Variants in SORCS2 observed in about 807,000 individuals in gnomAD.
SORCS2 encodes the protein VPS10 domain-containing receptor SorCS2.
In SORCS2, 100 loss-of-function variants were observed where a neutral mutation model predicts 141.6. The ratio of observed to expected loss-of-function variants is 0.71; its 90% CI spans 0.60 to 0.83. SORCS2 has a LOEUF of 0.83. Ranked by LOEUF, SORCS2 falls within the 40% of genes least tolerant of loss-of-function variation. The pLI is 0.00. For missense variants in SORCS2, 1,646 were observed against 1,560.2 expected (o/e 1.05, Z -0.93); for synonymous variants, 789 against 676.9 (o/e 1.17, Z -2.57).
Position 7,729,581 on chromosome 4 carries a change from C to A in SORCS2, c.2983-6C>A. 2 of 1,577,404 alleles carry A rather than the reference C, an allele frequency of 1.3e-6. No homozygotes were observed. Among genetic ancestry groups the A allele is most frequent in the East Asian group, 4.7e-5 (2 of 42,596 alleles). On this transcript the variant is annotated splice_polypyrimidine_tract_variant and splice_region_variant and intron_variant, in intron 22 of 26. Transcript: ENST00000507866. ...GCGGACCAAAGTGGCTTAACTCTCCCCGCAGGAGACCAGCGTCCCTCAGGA... is the reference window on the plus strand; with the variant it reads ...GCGGACCAAAGTGGCTTAACTCTCCACGCAGGAGACCAGCGTCCCTCAGGA...
intron 2 of SORCS2, among the ~76,000 whole-genome samples, chr4:7,407,039 G>T (rs1725011210): frequency 6.6e-6 from 1 of 152,098 alleles, no homozygotes; most frequent in African/African-American, 2.4e-5. Context: ...TTTGCGGTCA[G>T]AAAAGATACT....
In SORCS2 at chr4:7,435,659, G is replaced by A. The variant is rs562446949; in HGVS notation, c.548+39304G>A. ...GGCGTAGATTAAATGTTTGTTGAAG[G>A]TACACACACACAAAAGAGGTTTGTT... On this transcript the variant is annotated intron_variant, in intron 2 of 26. Transcript: ENST00000507866. Among the ~76,000 whole-genome samples, 7 of 152,340 alleles carry A rather than the reference G, an allele frequency of 4.6e-5. No homozygotes were observed. The South Asian group carries it at 6.2e-4, about 14-fold the overall frequency.
At chr4:7,672,465 T>G (rs1722857629) in intron 8 of SORCS2, among the ~76,000 whole-genome samples, 1 of 152,130 alleles carries the variant, frequency 6.6e-6, no homozygotes. Context: ...TGAAGAAATT[T>G]CCTCTGTCAT....
intron 2 of SORCS2, among the ~76,000 whole-genome samples, chr4:7,476,771 C>T (rs1156281529): frequency 6.6e-6 from 1 of 152,164 alleles, no homozygotes; most frequent in Non-Finnish European, 1.5e-5. Context: ...CTGCTCCACG[C>T]TCTCCCTCTG....
In SORCS2 at chr4:7,653,364, C is replaced by T. The variant is rs564819754; in HGVS notation, c.814-770C>T. Among the ~76,000 whole-genome samples the T allele has an allele frequency of 2.0e-5, 3 of 152,330 alleles. No individual in the cohort carries two copies. The South Asian group carries it at 6.2e-4, about 32-fold the overall frequency. Reference sequence around the variant, plus strand: ...GTTCAAGTGATTCTCCTGACTCAGCCTCCCGAGTAGCTGGGATTACAGGCA... The same window carrying T: ...GTTCAAGTGATTCTCCTGACTCAGCTTCCCGAGTAGCTGGGATTACAGGCA... On this transcript the variant is annotated intron_variant, in intron 4 of 26. Coordinates refer to ENST00000507866, the MANE Select transcript of SORCS2 (RefSeq NM_020777.3).
chr4:7,630,874 G>A (rs1436059095), intron 3 of SORCS2, among the ~76,000 whole-genome samples: 1 of 152,070 alleles, frequency 6.6e-6, no homozygotes, highest in Non-Finnish European at 1.5e-5. Flanking sequence ...TAAATAGAAA[G>A]TCAAATCCAA....
intron 11 of SORCS2, among the ~76,000 whole-genome samples, 172 bp from the exon 12 acceptor site, chr4:7,697,026 T>C (rs550225138): frequency 3.3e-5 from 5 of 152,306 alleles, no homozygotes; most frequent in Admixed American, 2.6e-4. Context: ...GATCCTTCAC[T>C]GCATAGACCC....
chr4:7,543,939 CCCATCCATCCAT>C (rs1266557291), intron 3 of SORCS2, among the ~76,000 whole-genome samples: 1 of 16,892 alleles, frequency 5.9e-5, no homozygotes, highest in African/African-American at 1.9e-4. Context: ...CACCCATCCA[CCCATCCATCCAT>C]CCATCCATCC....
chr4:7,456,589 G>T (rs913599080), intron 2 of SORCS2, among the ~76,000 whole-genome samples: 1 of 152,196 alleles, frequency 6.6e-6, no homozygotes, highest in Admixed American at 6.5e-5. Context: ...GCTTGGAGAA[G>T]AAGGTGGCTT....
intron 2 of SORCS2, among the ~76,000 whole-genome samples, chr4:7,531,287 T>C (rs1711621703): frequency 6.6e-6 from 1 of 152,218 alleles, no homozygotes; most frequent in Admixed American, 6.5e-5. Context: ...GACCTGACTT[T>C]GGATCCTAGC....
At chr4:7,558,555 T>C (rs1714299635) in intron 3 of SORCS2, among the ~76,000 whole-genome samples, 1 of 152,180 alleles carries the variant, frequency 6.6e-6, no homozygotes, top group Admixed American at 6.5e-5. Context: ...GCTCCCTCTG[T>C]GCTGGTGCGG....
chr4:7,392,837 G>A (rs112531809), intron 1 of SORCS2, among the ~76,000 whole-genome samples: 41 of 152,120 alleles, frequency 2.7e-4, no homozygotes, highest in African/African-American at 9.4e-4. Flanking sequence ...GTCACTGGGC[G>A]GTTCTGTGCC....
chr4:7,465,490 A>T (rs4234813), intron 2 of SORCS2, among the ~76,000 whole-genome samples: 63 of 152,160 alleles, frequency 4.1e-4, no homozygotes, highest in African/African-American at 1.5e-3. Context: ...GGGCACAGGC[A>T]CTGTGAGGAG....
intron 20 of SORCS2, among the ~76,000 whole-genome samples, chr4:7,725,509 T>G (rs1727157073): frequency 1.3e-5 from 2 of 152,206 alleles, no homozygotes; most frequent in South Asian, 4.1e-4. Flanking sequence ...GACTAGACCC[T>G]GCCTTTTCCC....
At position 7,246,936 on chromosome 4, in the gene SORCS2, C is replaced by T. The variant is rs561251035; in HGVS notation, c.480+53810C>T. On this transcript the variant is annotated intron_variant, in intron 1 of 26. Transcript: ENST00000507866. Reference sequence around the variant, plus strand: ...CCTCCCTCCGTCCAGGCTCTACCCGCTTGCCTCCTCCTCCAGGGTCCCCTT... The same window carrying T: ...CCTCCCTCCGTCCAGGCTCTACCCGTTTGCCTCCTCCTCCAGGGTCCCCTT... Among the ~76,000 whole-genome samples the T allele has an allele frequency of 5.9e-5, 9 of 152,318 alleles. No individual in the cohort carries two copies. The South Asian group carries it at 1.7e-3, about 28-fold the overall frequency.
chr4:7,210,662 A>G (rs13121616), intron 1 of SORCS2, among the ~76,000 whole-genome samples: 111,643 of 152,150 alleles, frequency 0.73, 41,202 homozygotes, highest in East Asian at 0.83. Context: ...TGCTGCTAAC[A>G]GCTGCCTTGC....
chr4:7,723,735 G>A lies in SORCS2; in HGVS notation c.2463G>A (p.Gly821=), dbSNP rs1726762486. Residue 821 remains glycine (G), a synonymous_variant, in exon 19 of 27, where the codon GGG becomes GGA. Transcript: ENST00000507866. ...VLTTKYQVDL[G]DGFKAMYVNL... ...CTACCAAGTACCAGGTAGACCTTGG[G>A]GACGGCTTCAAGGCCATGTACGTGA... The A allele has an allele frequency of 2.5e-6, 4 of 1,614,014 alleles. No homozygotes were observed. The African/African-American group carries it at 4.0e-5, about 16-fold the overall frequency.
At chr4:7,340,415 G>C (rs949873174) in intron 1 of SORCS2, among the ~76,000 whole-genome samples, 1 of 152,208 alleles carries the variant, frequency 6.6e-6, no homozygotes, top group South Asian at 2.1e-4. Flanking sequence ...ACCATAGCAG[G>C]GCAGAGCCTC....
chr4:7,395,315 G>A (rs1724137950), intron 1 of SORCS2, among the ~76,000 whole-genome samples: 1 of 152,176 alleles, frequency 6.6e-6, no homozygotes, highest in African/African-American at 2.4e-5. Context: ...GATGACCAGG[G>A]TGGTGACCCC....
Sources: allele counts gnomAD v4.1 joint callset (sites outside exome capture counted in the v4.1 genomes callset), GRCh38; gene constraint gnomAD v4.1.1; transcripts MANE v1.5; gene names NCBI Gene and HGNC (gene_info 2026-07-23, HGNC 2026-07-21).